Variants in PSMA6 observed in about 807,000 individuals in gnomAD.
PSMA6 encodes the protein proteasome subunit alpha type-6.
For missense variants in PSMA6, 170 were observed against 294.8 expected, an observed-to-expected ratio of 0.58 and a Z score of 3.10; for synonymous variants, 88 against 97.7, an observed-to-expected ratio of 0.90 and a Z score of 0.59.
At chr14:35,283,459 T>C (rs564157601) in intron 1 of PSMA6, among the ~76,000 whole-genome samples, 1 of 152,072 alleles carries the variant, frequency 6.6e-6, no homozygotes, top group African/African-American at 2.4e-5. Context: ...TCAATAGGTA[T>C]CTCTGGATGT....
chr14:35,279,152 A>G (rs1170695832), intron 1 of PSMA6, among the ~76,000 whole-genome samples: 1 of 152,120 alleles, frequency 6.6e-6, no homozygotes, highest in Non-Finnish European at 1.5e-5. Flanking sequence ...GGTTCAAGCA[A>G]TTCTCCTGCT....
intron 4 of PSMA6, among the ~76,000 whole-genome samples, chr14:35,312,175 G>C (rs183866865): frequency 2.8e-5 from 4 of 143,038 alleles, no homozygotes; most frequent in Admixed American, 7.3e-5. Context: ...AGACCACCCT[G>C]GGCAACAGCG....
In PSMA6 at chr14:35,313,018, G is replaced by A. The variant is rs757557606; in HGVS notation, c.547G>A (p.Val183Met). ...TESTSFLEKK[V>M]KKKFDWTFEQ... ...GTCAACCAGCTTCCTTGAAAAAAAA[G>A]TGAAGAAGAAATTTGATTGGACATT... Residue 183 changes from valine to methionine, a missense_variant, in exon 5 of 7, where the codon GTG becomes ATG. Physicochemically the swap from Val to Met is conservative, Grantham distance 21. Coordinates refer to ENST00000261479, the MANE Select transcript of PSMA6 (RefSeq NM_002791.3). 13 of 1,579,358 alleles carry A rather than the reference G, an allele frequency of 8.2e-6. No homozygotes were observed. Among genetic ancestry groups the A allele is most frequent in the Non-Finnish European group, 9.4e-6 (11 of 1,170,510 alleles).
upstream of PSMA6, among the ~76,000 whole-genome samples, chr14:35,290,942 C>T (rs750282871): frequency 6.6e-6 from 1 of 152,074 alleles, no homozygotes; most frequent in Non-Finnish European, 1.5e-5. Context: ...CATTATTAAT[C>T]AAGGGTGCTT....
At chr14:35,308,635 A>G (rs1343190207) in intron 2 of PSMA6, 3 of 357,286 alleles carry the variant, frequency 8.4e-6, no homozygotes, top group Non-Finnish European at 1.5e-5. Flanking sequence ...GGTGTTTCTA[A>G]GTCTTTTGTC....
At chr14:35,293,196 T>C (rs2051522504) in intron 1 of PSMA6, 1 of 335,338 alleles carries the variant, frequency 3.0e-6, no homozygotes, top group Non-Finnish European at 5.9e-6. Context: ...CTAGAGCTGC[T>C]CTTGAGATTG....
intron 1 of PSMA6, 184 bp downstream of exon 1, chr14:35,292,736 G>A (rs987964713): frequency 6.0e-6 from 7 of 1,167,092 alleles, no homozygotes; most frequent in Non-Finnish European, 8.2e-6. Context: ...CAGGGATCGG[G>A]GGCCTGAAGG....
upstream of PSMA6, among the ~76,000 whole-genome samples, chr14:35,289,954 G>A (rs2051460583): frequency 6.7e-6 from 1 of 149,222 alleles, no homozygotes; most frequent in South Asian, 2.1e-4. Context: ...TAGCAGAGCA[G>A]GAACAAATGA....
intron 1 of PSMA6, among the ~76,000 whole-genome samples, chr14:35,279,941 G>A (rs916997823): frequency 1.3e-5 from 2 of 150,782 alleles, no homozygotes; most frequent in African/African-American, 2.4e-5. Context: ...TGGCTAACAC[G>A]GTGAAACCCC....
chr14:35,305,142 GTTTC>G (rs2051799872), intron 1 of PSMA6, among the ~76,000 whole-genome samples: 1 of 137,704 alleles, frequency 7.3e-6, no homozygotes, highest in Admixed American at 7.7e-5. Flanking sequence ...CTTTTCTTTT[GTTTC>G]TTTTTTTTTT....
intron 1 of PSMA6, among the ~76,000 whole-genome samples, chr14:35,296,753 T>C (rs2051597292): frequency 6.6e-6 from 1 of 152,184 alleles, no homozygotes; most frequent in African/African-American, 2.4e-5. Flanking sequence ...ATTTAAAAAA[T>C]ATTCTTATTT....
chr14:35,294,447 T>C (rs1367205722), intron 1 of PSMA6, among the ~76,000 whole-genome samples: 1 of 152,244 alleles, frequency 6.6e-6, no homozygotes, highest in Non-Finnish European at 1.5e-5. Context: ...GCAAGCAGTA[T>C]AGTGAAGAGT....
chr14:35,289,710 A>C (rs1007261275), upstream of PSMA6, among the ~76,000 whole-genome samples: 1 of 152,140 alleles, frequency 6.6e-6, no homozygotes, highest in Non-Finnish European at 1.5e-5. Context: ...CCTTGAGGCC[A>C]GGAGTTTGAG....
At chr14:35,286,801 C>G (rs191548851) in intron 1 of PSMA6, among the ~76,000 whole-genome samples, 99 of 152,168 alleles carry the variant, frequency 6.5e-4, no homozygotes, top group African/African-American at 2.3e-3. Flanking sequence ...AGTTGTGTGA[C>G]TTCTATGTTG....
At position 35,317,234 on chromosome 14, in the gene PSMA6, C is replaced by T; in HGVS notation, c.684-15C>T. 1 of 1,610,592 alleles carries T rather than the reference C, an allele frequency of 6.2e-7. No individual in the cohort carries two copies. Among genetic ancestry groups the T allele is most frequent in the Non-Finnish European group, 8.5e-7 (1 of 1,177,304 alleles). ...TTTTTTAAATCGTTGTTTTTTTCCC[C>T]CTTTTGCCTTCTAGGATTCTTACAG... On this transcript the variant is annotated splice_polypyrimidine_tract_variant and intron_variant, in intron 6 of 6. Coordinates refer to ENST00000261479, the MANE Select transcript of PSMA6 (RefSeq NM_002791.3).
intron 6 of PSMA6, chr14:35,314,739 G>GT (rs1566564415): frequency 6.4e-5 from 11 of 171,966 alleles, no homozygotes; most frequent in South Asian, 4.4e-4. Context: ...TAGCATAAGT[G>GT]TTTTCTTTTT....
At chr14:35,287,672 C>A (rs1045179719), upstream of PSMA6, among the ~76,000 whole-genome samples, 1 of 152,158 alleles carries the variant, frequency 6.6e-6, no homozygotes, top group African/African-American at 2.4e-5. Context: ...GATGTCAAGT[C>A]ATCTCTAAAT....
At chr14:35,315,390 G>C (rs1306660208) in intron 6 of PSMA6, 1 of 150,584 alleles carries the variant, frequency 6.6e-6, no homozygotes, top group African/African-American at 2.4e-5. Flanking sequence ...AAAATTCATA[G>C]GACTTTAAAA....
chr14:35,282,004 C>T (rs776852908), intron 1 of PSMA6, among the ~76,000 whole-genome samples: 2 of 152,174 alleles, frequency 1.3e-5, no homozygotes, highest in Admixed American at 6.5e-5. Context: ...TACCTTTAGG[C>T]TCTGACTGGA....
Sources: gnomAD v4.1 joint callset for allele counts (sites outside exome capture counted in the v4.1 genomes callset) on GRCh38, gnomAD v4.1.1 for gene constraint, MANE v1.5 for transcripts, NCBI Gene and HGNC (gene_info 2026-07-23, HGNC 2026-07-21) for gene names.